The following CHCHD6 variants were observed in gnomAD, a reference collection of about 807,000 sequenced individuals.
CHCHD6 encodes the protein coiled-coil-helix-coiled-coil-helix domain containing 6.
CHCHD6 carries 28 observed loss-of-function variants against 32.3 expected under a neutral mutation model. That is an observed-to-expected ratio of 0.87 (90% CI 0.64 to 1.19). The LOEUF (loss-of-function observed/expected upper bound fraction) is 1.19, where lower values mean the gene tolerates loss of function less well. Among genes scored for constraint, CHCHD6 ranks in the 50% most tolerant of loss-of-function variants. CHCHD6 has a pLI of 0.00. For missense variants in CHCHD6, 333 were observed against 307.0 expected (o/e 1.08, Z -0.63); for synonymous variants, 122 against 117.5 (o/e 1.04, Z -0.25).
At chr3:126,918,574 A>G (rs2078202429) in intron 6 of CHCHD6, among the ~76,000 whole-genome samples, 1 of 152,278 alleles carries the variant, frequency 6.6e-6, no homozygotes, top group Admixed American at 6.5e-5. Flanking sequence ...AATTAGAAAG[A>G]CTATGTCACA....
At position 126,743,035 on chromosome 3, in the gene CHCHD6, A is replaced by G. The variant is rs1273805351; in HGVS notation, c.411+9813A>G. On this transcript the variant is annotated intron_variant, in intron 4 of 7. Coordinates refer to ENST00000290913, the MANE Select transcript of CHCHD6 (RefSeq NM_032343.3). ...CTGGGGGAGGGTGTTCATCAGGACA[A>G]GCTGGCCTGTGTGGTGTCATTGAGC... Among the ~76,000 whole-genome samples, 3 of 152,202 alleles carry G rather than the reference A, an allele frequency of 2.0e-5. No homozygotes were observed. In the South Asian group the frequency reaches 6.2e-4, roughly 32 times the overall value.
intron 6 of CHCHD6, among the ~76,000 whole-genome samples, chr3:126,945,520 G>A (rs1026778623): frequency 3.3e-5 from 5 of 149,830 alleles, no homozygotes; most frequent in African/African-American, 9.9e-5. Context: ...GACTTGGGAG[G>A]GGGGAGACTT....
chr3:126,842,227 A>G (rs779612739), intron 4 of CHCHD6, among the ~76,000 whole-genome samples: 3 of 152,016 alleles, frequency 2.0e-5, no homozygotes, highest in East Asian at 1.9e-4. Flanking sequence ...ACAGAGTGAG[A>G]CTCTGTCTTT....
intron 4 of CHCHD6, among the ~76,000 whole-genome samples, chr3:126,741,374 A>G (rs547659706): frequency 6.6e-6 from 1 of 151,956 alleles, no homozygotes; most frequent in African/African-American, 2.4e-5. Context: ...TGGAGTCAAG[A>G]AACAAGTGAG....
chr3:126,837,748 G>A (rs951744978), intron 4 of CHCHD6, among the ~76,000 whole-genome samples: 2 of 152,138 alleles, frequency 1.3e-5, no homozygotes, highest in Non-Finnish European at 2.9e-5. Context: ...CCAAGATTAT[G>A]CTTTTGCCCT....
chr3:126,919,618 T>C (rs2078217945), intron 6 of CHCHD6, among the ~76,000 whole-genome samples: 1 of 127,296 alleles, frequency 7.9e-6, no homozygotes, highest in Admixed American at 8.4e-5. Flanking sequence ...CTGGCTGGCC[T>C]TCATTTTTTT....
intron 4 of CHCHD6, among the ~76,000 whole-genome samples, chr3:126,746,690 C>T (rs759708129): frequency 3.9e-5 from 6 of 152,226 alleles, no homozygotes; most frequent in African/African-American, 7.2e-5. Flanking sequence ...TGTGGAATTT[C>T]AAGCAGCCGC....
At chr3:126,732,749 G>C (rs1340484910) in intron 3 of CHCHD6, among the ~76,000 whole-genome samples, 2 of 152,226 alleles carry the variant, frequency 1.3e-5, no homozygotes, top group Non-Finnish European at 2.9e-5. Flanking sequence ...AAGCTCTCAA[G>C]TGGAGGCAAT....
intron 4 of CHCHD6, among the ~76,000 whole-genome samples, chr3:126,819,844 T>G (rs1353959243): frequency 6.6e-6 from 1 of 152,242 alleles, no homozygotes; most frequent in Non-Finnish European, 1.5e-5. Flanking sequence ...CTTTCAAGAT[T>G]ACGGGACTTT....
chr3:126,944,542 G>T (rs936417944), intron 6 of CHCHD6, among the ~76,000 whole-genome samples: 8 of 152,246 alleles, frequency 5.3e-5, no homozygotes, highest in African/African-American at 1.7e-4. Context: ...GTGCTCAGAT[G>T]GTCTATGTCA....
chr3:126,861,202 A>G (rs966653534), intron 5 of CHCHD6, among the ~76,000 whole-genome samples: 1 of 152,080 alleles, frequency 6.6e-6, no homozygotes, highest in Non-Finnish European at 1.5e-5. Flanking sequence ...ATAAATAGCA[A>G]GGACTCTGCC....
intron 4 of CHCHD6, among the ~76,000 whole-genome samples, chr3:126,819,069 A>G (rs112065912): frequency 5.3e-5 from 8 of 152,232 alleles, no homozygotes; most frequent in Non-Finnish European, 1.0e-4. Flanking sequence ...CATGCATTCT[A>G]TGGGTGACAG....
intron 4 of CHCHD6, among the ~76,000 whole-genome samples, chr3:126,792,816 G>C (rs998083635): frequency 1.3e-5 from 2 of 152,118 alleles, no homozygotes; most frequent in African/African-American, 4.8e-5. Context: ...TCTAGTGGTT[G>C]TATCAGTTTC....
intron 6 of CHCHD6, among the ~76,000 whole-genome samples, chr3:126,952,799 G>C (rs2078733660): frequency 6.6e-6 from 1 of 152,202 alleles, no homozygotes; most frequent in Admixed American, 6.5e-5. Context: ...GCCCGCTCAG[G>C]CACAGGGGTT....
intron 4 of CHCHD6, among the ~76,000 whole-genome samples, chr3:126,736,164 T>A (rs1325778411): frequency 6.6e-6 from 1 of 152,210 alleles, no homozygotes; most frequent in Non-Finnish European, 1.5e-5. Flanking sequence ...AGGAGAAAGA[T>A]GGAGAGAAGA....
At chr3:126,839,537 C>T (rs150525223) in intron 4 of CHCHD6, among the ~76,000 whole-genome samples, 109 of 152,228 alleles carry the variant, frequency 7.2e-4, no homozygotes, top group African/African-American at 2.6e-3. Flanking sequence ...ACATAGTTCT[C>T]ATTTTCGGCC....
At chr3:126,816,039 T>C (rs1466925331) in intron 4 of CHCHD6, among the ~76,000 whole-genome samples, 1 of 152,134 alleles carries the variant, frequency 6.6e-6, no homozygotes, top group African/African-American at 2.4e-5. Flanking sequence ...CATTTTCTTC[T>C]CTGTTCTGAT....
intron 1 of CHCHD6, among the ~76,000 whole-genome samples, chr3:126,705,713 A>G (rs538486257): frequency 5.3e-5 from 8 of 152,134 alleles, no homozygotes; most frequent in South Asian, 4.2e-4. Context: ...TTAGTTAATT[A>G]AGGAGGAATT....
intron 6 of CHCHD6, 125 bp from the exon 7 acceptor site, chr3:126,957,291 G>T: frequency 9.4e-7 from 1 of 1,062,628 alleles, no homozygotes; most frequent in Non-Finnish European, 1.4e-6. Flanking sequence ...AGGGTTAAAA[G>T]GATGCTGCTG....
Sources: gnomAD v4.1 joint callset for allele counts (sites outside exome capture counted in the v4.1 genomes callset) on GRCh38, gnomAD v4.1.1 for gene constraint, MANE v1.5 for transcripts, NCBI Gene and HGNC (gene_info 2026-07-23, HGNC 2026-07-21) for gene names.